Variants in CEACAM6 observed in about 807,000 individuals in gnomAD.
CEACAM6 encodes CEA cell adhesion molecule 6.
Under a neutral mutation model 32.4 loss-of-function variants are expected in CEACAM6, and 21 were observed. That is an observed-to-expected ratio of 0.65 (90% CI 0.46 to 0.93). The LOEUF (loss-of-function observed/expected upper bound fraction) is 0.93, where lower values mean the gene tolerates loss of function less well. Ranked by LOEUF, CEACAM6 falls within the 40% of genes least tolerant of loss-of-function variation. CEACAM6 has a pLI of 0.00. For synonymous variants in CEACAM6, 184 were observed against 174.4 expected, an observed-to-expected ratio of 1.06 and a Z score of -0.43; for missense variants, 406 against 432.2, an observed-to-expected ratio of 0.94 and a Z score of 0.54.
intron 5 of CEACAM6, among the ~76,000 whole-genome samples, chr19:41,770,254 A>C (rs7258008): frequency 0.45 from 63,102 of 139,738 alleles, 16,022 homozygotes; most frequent in Middle Eastern, 0.67. Flanking sequence ...TGCTAAAAAT[A>C]CAAAAAAAAA....
chr19:41,769,246 C>G (rs546542654), intron 5 of CEACAM6, among the ~76,000 whole-genome samples: 1 of 152,038 alleles, frequency 6.6e-6, no homozygotes, highest in African/African-American at 2.4e-5. Context: ...CGCCCAGCCC[C>G]GACAATTATT....
Position 41,758,282 on chromosome 19 carries a change from C to T in CEACAM6, c.424+1323C>T, listed in dbSNP as rs568534055. Among the ~76,000 whole-genome samples the T allele has an allele frequency of 7.9e-5, 12 of 152,266 alleles. No homozygotes were observed. The South Asian group carries it at 2.3e-3, about 29-fold the overall frequency. ...TAAAGGAGAGGACTTTGCTTTCTCTCCCCACTCACACCCTGCACCAGCACA... is the reference window on the plus strand; with the variant it reads ...TAAAGGAGAGGACTTTGCTTTCTCTTCCCACTCACACCCTGCACCAGCACA... On this transcript the variant is annotated intron_variant, in intron 2 of 5. Transcript: ENST00000199764.
chr19:41,767,291 A>G (rs1237595949), intron 5 of CEACAM6, among the ~76,000 whole-genome samples: 1 of 152,130 alleles, frequency 6.6e-6, no homozygotes, highest in Non-Finnish European at 1.5e-5. Flanking sequence ...CTCTTATTTC[A>G]TGGAGAACAC....
intron 1 of CEACAM6, 63 bp downstream of exon 1, chr19:41,755,765 C>A: frequency 7.1e-7 from 1 of 1,413,680 alleles, no homozygotes; most frequent in East Asian, 2.5e-5. Flanking sequence ...CTAGGGTCTC[C>A]TGGGGAGGAC....
intron 5 of CEACAM6, among the ~76,000 whole-genome samples, chr19:41,770,212 C>T (rs937929923): frequency 4.7e-5 from 7 of 149,036 alleles, no homozygotes; most frequent in South Asian, 2.1e-4. Context: ...GAGTTCAAGA[C>T]CAGCCTGGCC....
At chr19:41,760,742 T>A (rs1326876391) in intron 2 of CEACAM6, among the ~76,000 whole-genome samples, 1 of 152,118 alleles carries the variant, frequency 6.6e-6, no homozygotes, top group East Asian at 1.9e-4. Context: ...TGCTGAAAGG[T>A]CCAATCCCAG....
At chr19:41,767,943 A>G (rs979475650) in intron 5 of CEACAM6, among the ~76,000 whole-genome samples, 1 of 152,180 alleles carries the variant, frequency 6.6e-6, no homozygotes, top group Non-Finnish European at 1.5e-5. Flanking sequence ...AGTTATATTT[A>G]TGGTTATGTT....
chr19:41,762,336 TC>T (rs2072931585), intron 4 of CEACAM6, 113 bp downstream of exon 4: 2 of 1,187,590 alleles, frequency 1.7e-6, no homozygotes, highest in Admixed American at 4.8e-5. Context: ...CACACGCAAA[TC>T]CCAAATTCTC....
chr19:41,756,831 A>G lies in CEACAM6; in HGVS notation c.296A>G (p.Glu99Gly), dbSNP rs1555821187. Residue 99 changes from glutamate to glycine, a missense_variant, in exon 2 of 6, where the codon GAG (glutamate) becomes GGG (glycine). Glu to Gly is a moderately conservative substitution (Grantham distance 98). Transcript: ENST00000199764. ...ATPGPAYSGR[E>G]TIYPNASLLI... is the part of the protein sequence containing the mutation. ...CCAGGGCCCGCATACAGTGGTCGAGAGACAATATACCCCAATGCATCCCTG... is the reference window on the plus strand; with the variant it reads ...CCAGGGCCCGCATACAGTGGTCGAGGGACAATATACCCCAATGCATCCCTG... 1.9e-6 allele frequency: 3 copies of G among 1,614,180 alleles called. No individual in the cohort carries two copies. The highest frequency in any genetic ancestry group is 2.5e-6 in the Non-Finnish European group (3 of 1,180,032).
At chr19:41,762,941 G>A (rs1568726898) in intron 4 of CEACAM6, among the ~76,000 whole-genome samples, 1 of 152,176 alleles carries the variant, frequency 6.6e-6, no homozygotes, top group Non-Finnish European at 1.5e-5. Flanking sequence ...GTCACTGGCT[G>A]TATAAGACTG....
chr19:41,768,003 G>T (rs2072966193), intron 5 of CEACAM6, among the ~76,000 whole-genome samples: 1 of 152,200 alleles, frequency 6.6e-6, no homozygotes, highest in Non-Finnish European at 1.5e-5. Flanking sequence ...AAATCTAACA[G>T]ATTATAAGCC....
intron 5 of CEACAM6, among the ~76,000 whole-genome samples, chr19:41,770,099 C>A (rs1411457275): frequency 4.0e-5 from 6 of 151,474 alleles, no homozygotes; most frequent in Non-Finnish European, 8.8e-5. Flanking sequence ...CTTATAAAAA[C>A]TTCCTGTAAA....
rs782180122 is a variant in CEACAM6, at chr19:41,762,175, T to A, written c.910T>A (p.Ser304Thr). The A allele has an allele frequency of 6.2e-7, 1 of 1,614,148 alleles. No individual in the cohort carries two copies. Among genetic ancestry groups the A allele is most frequent in the Admixed American group, 1.7e-5 (1 of 60,028 alleles). Residue 304 changes from serine to threonine, a missense_variant, in exon 4 of 6, where the codon TCA becomes ACA. Coordinates refer to ENST00000199764, the MANE Select transcript of CEACAM6 (RefSeq NM_002483.7). ...ATCCTATATGTGCCAAGCCCATAACTCAGCCACTGGCCTCAATAGGACCAC... is the reference window on the plus strand; with the variant it reads ...ATCCTATATGTGCCAAGCCCATAACACAGCCACTGGCCTCAATAGGACCAC... The part of the protein sequence containing the change: ...SGSYMCQAHN[S>T]ATGLNRTTVT...
chr19:41,756,659 C>T lies in CEACAM6; in HGVS notation c.124C>T (p.Pro42Ser). 1 of 1,614,096 alleles carries T rather than the reference C, an allele frequency of 6.2e-7. No homozygotes were observed. Among genetic ancestry groups the T allele is most frequent in the Non-Finnish European group, 8.5e-7 (1 of 1,180,024 alleles). ...TGCCAAGCTCACTATTGAATCCACG[C>T]CGTTCAATGTCGCAGAGGGGAAGGA... ...TTAKLTIEST[P>S]FNVAEGKEVL... The change falls in exon 2 of 6, where the codon CCG (proline) becomes TCG (serine). Residue 42 changes from proline (P) to serine (S), a missense_variant. Physicochemically the swap from Pro to Ser is moderately conservative, Grantham distance 74. Coordinates refer to ENST00000199764, the MANE Select transcript of CEACAM6 (RefSeq NM_002483.7).
chr19:41,768,177 CA>C (rs1555822553), intron 5 of CEACAM6, among the ~76,000 whole-genome samples: 1 of 152,092 alleles, frequency 6.6e-6, no homozygotes, highest in African/African-American at 2.4e-5. Context: ...GGAAGGTCAG[CA>C]GATAAACAAG....
At chr19:41,765,754 A>G (rs1309057868) in intron 4 of CEACAM6, among the ~76,000 whole-genome samples, 5 of 152,090 alleles carry the variant, frequency 3.3e-5, no homozygotes, top group African/African-American at 1.2e-4. Flanking sequence ...AGCCCATGGG[A>G]AGTGAGTTCT....
At position 41,761,292 on chromosome 19, in the gene CEACAM6, C is replaced by T. The variant is rs782038014; in HGVS notation, c.468C>T (p.Pro156=). ...CCATCTCCAGCAACAACTCCAACCC[C>T]GTGGAGGACAAGGATGCTGTGGCCT... is the stretch of plus-strand genomic sequence containing the variant. ...KPSISSNNSN[P]VEDKDAVAFT... is the part of the protein sequence containing the mutation. Residue 156 remains proline (P), a synonymous_variant, in exon 3 of 6, where the codon CCC becomes CCT. Coordinates refer to ENST00000199764, the MANE Select transcript of CEACAM6 (RefSeq NM_002483.7). 1.2e-6 allele frequency: 2 copies of T among 1,614,168 alleles called. No individual in the cohort carries two copies. The highest frequency in any genetic ancestry group is 1.7e-6 in the Non-Finnish European group (2 of 1,180,016).
chr19:41,761,636 G>A, intron 3 of CEACAM6, 109 bp downstream of exon 3: 1 of 1,546,818 alleles, frequency 6.5e-7, no homozygotes, highest in Non-Finnish European at 8.8e-7. Context: ...CCCTCACCCA[G>A]GCTGGCCATG....
intron 1 of CEACAM6, among the ~76,000 whole-genome samples, chr19:41,755,953 GA>G (rs1322234160): frequency 5.9e-5 from 9 of 152,006 alleles, no homozygotes; most frequent in African/African-American, 2.2e-4. Flanking sequence ...TGAAAAAAAA[GA>G]AAAATGATAG....
Sources: allele counts gnomAD v4.1 joint callset (sites outside exome capture counted in the v4.1 genomes callset), GRCh38; gene constraint gnomAD v4.1.1; transcripts MANE v1.5; gene names NCBI Gene and HGNC (gene_info 2026-07-23, HGNC 2026-07-21).